HERC4: variants seen among roughly 807,000 people sequenced by gnomAD.
The protein encoded by HERC4 is HECT and RLD domain containing E3 ubiquitin protein ligase 4, also known as probable E3 ubiquitin-protein ligase HERC4.
In HERC4, 28 loss-of-function variants were observed where a neutral mutation model predicts 124.3. The ratio of observed to expected loss-of-function variants is 0.23; its 90% CI spans 0.17 to 0.31. HERC4 has a LOEUF of 0.31. Among genes scored for constraint, HERC4 ranks in the 10% least tolerant of loss-of-function variants. The pLI is 1.00. For missense variants in HERC4, 713 were observed against 1,229.3 expected (o/e 0.58, Z 6.28); for synonymous variants, 407 against 421.5 (o/e 0.97, Z 0.42).
intron 8 of HERC4, among the ~76,000 whole-genome samples, chr10:68,024,064 A>G (rs1438201537): frequency 2.0e-5 from 3 of 152,188 alleles, no homozygotes; most frequent in Non-Finnish European, 4.4e-5. Context: ...CATATGCCCA[A>G]TAAAGAACTT....
intron 9 of HERC4, chr10:68,010,142 C>T (rs553943156): frequency 2.1e-5 from 18 of 876,924 alleles, no homozygotes; most frequent in Middle Eastern, 3.5e-4. Flanking sequence ...GCACAAACTC[C>T]GGGTTCTCTT....
intron 15 of HERC4, among the ~76,000 whole-genome samples, chr10:67,976,828 A>T (rs1457707122): frequency 6.6e-6 from 1 of 151,992 alleles, no homozygotes; most frequent in Non-Finnish European, 1.5e-5. Flanking sequence ...AACTTAGCTG[A>T]CTCCTGTCCA....
intron 4 of HERC4, chr10:68,039,500 C>A: frequency 1.3e-6 from 2 of 1,550,456 alleles, no homozygotes; most frequent in South Asian, 1.2e-5. Flanking sequence ...TTCAGCAAAT[C>A]AAAGTTTGAG....
In HERC4 at chr10:67,957,186, T is replaced by C. The variant is rs527734598; in HGVS notation, c.1927-210A>G. Among the ~76,000 whole-genome samples, 10 of 152,356 alleles carry C rather than the reference T, an allele frequency of 6.6e-5. No individual in the cohort carries two copies. The South Asian group carries it at 2.1e-3, about 32-fold the overall frequency. On this transcript the variant is annotated intron_variant, in intron 16 of 24. Transcript: ENST00000373700. ...TTCCCAATTTTAGGGGGCGACTGTA[T>C]ACTTGAGAGTCTATACAATCATATA...
At chr10:67,958,356 A>AT (rs2034278223) in intron 16 of HERC4, among the ~76,000 whole-genome samples, 2 of 152,206 alleles carry the variant, frequency 1.3e-5, no homozygotes, top group Non-Finnish European at 2.9e-5. Flanking sequence ...AAAGATTTAG[A>AT]TATCTCCAAA....
chr10:68,041,540 GTA>G (rs2039767801), intron 4 of HERC4, among the ~76,000 whole-genome samples: 1 of 152,072 alleles, frequency 6.6e-6, no homozygotes, highest in Admixed American at 6.6e-5. Context: ...TGTTTAGTTT[GTA>G]TAGTCCAGAA....
intron 3 of HERC4, chr10:68,069,640 C>T (rs608300): frequency 0.38 from 377,613 of 984,324 alleles, 76,603 homozygotes; most frequent in East Asian, 0.84. Flanking sequence ...CCTCTTTCTC[C>T]TTCATTCCTT....
intron 9 of HERC4, among the ~76,000 whole-genome samples, chr10:68,009,366 T>C (rs552660454): frequency 4.6e-5 from 7 of 152,140 alleles, no homozygotes; most frequent in Non-Finnish European, 1.0e-4. Flanking sequence ...TCTCTTGCCT[T>C]GGCTTTCCAA....
chr10:67,932,158 T>C (rs1340483756), intron 23 of HERC4, among the ~76,000 whole-genome samples: 1 of 152,110 alleles, frequency 6.6e-6, no homozygotes, highest in Admixed American at 6.5e-5. Context: ...GGTTTCACCA[T>C]GTTGGCCAGG....
intron 15 of HERC4, among the ~76,000 whole-genome samples, chr10:67,981,885 G>A (rs1183932739): frequency 6.6e-6 from 1 of 152,054 alleles, no homozygotes; most frequent in African/African-American, 2.4e-5. Context: ...AGGTTGCAGT[G>A]AGCCGAGATC....
chr10:67,992,416 G>C, intron 10 of HERC4, 93 bp from the exon 11 acceptor site: 3 of 1,478,690 alleles, frequency 2.0e-6, no homozygotes, highest in Non-Finnish European at 2.8e-6. Context: ...TCTTTAAACA[G>C]AATTAAATCT....
chr10:68,036,735 G>A (rs1394676812), intron 5 of HERC4, among the ~76,000 whole-genome samples: 1 of 151,910 alleles, frequency 6.6e-6, no homozygotes, highest in African/African-American at 2.4e-5. Flanking sequence ...ATTTCTCCTT[G>A]TTCTTCTCAA....
chr10:68,034,322 A>G lies in HERC4; in HGVS notation c.464-136T>C. 7.5e-6 allele frequency: 5 copies of G among 663,880 alleles called. No individual in the cohort carries two copies. In the South Asian group the frequency reaches 1.0e-4, roughly 14 times the overall value. 41.1% of individuals were successfully genotyped at this position (663,880 alleles called of 1,614,324 possible). ...TCTGCCTATCATCAAAAGAATATAA[A>G]TATTATTTTTAGCAATTATACTTAT... On this transcript the variant is annotated intron_variant, in intron 5 of 24. Transcript: ENST00000373700.
intron 15 of HERC4, among the ~76,000 whole-genome samples, chr10:67,978,537 G>A (rs2035737094): frequency 6.6e-6 from 1 of 152,218 alleles, no homozygotes; most frequent in Non-Finnish European, 1.5e-5. Flanking sequence ...AAGGGCCTGG[G>A]GAAACTAGCT....
At chr10:68,067,998 C>T (rs1221244104) in intron 3 of HERC4, 1 of 152,084 alleles carries the variant, frequency 6.6e-6, no homozygotes, top group Non-Finnish European at 1.5e-5. Flanking sequence ...AGGGGGAAGA[C>T]AATAAAATAT....
chr10:68,017,740 C>T (rs1412545242), intron 8 of HERC4, among the ~76,000 whole-genome samples: 2 of 152,108 alleles, frequency 1.3e-5, no homozygotes, highest in African/African-American at 2.4e-5. Flanking sequence ...CAGTCTGCCT[C>T]GGCCTCCCAA....
intron 21 of HERC4, among the ~76,000 whole-genome samples, chr10:67,937,025 A>C (rs977395786): frequency 1.8e-4 from 28 of 152,174 alleles, no homozygotes; most frequent in African/African-American, 6.8e-4. Context: ...AGAATTCTAA[A>C]CTAGAGGAAG....
At chr10:68,047,738 T>C (rs1270993296) in intron 3 of HERC4, among the ~76,000 whole-genome samples, 1 of 152,188 alleles carries the variant, frequency 6.6e-6, no homozygotes, top group Admixed American at 6.5e-5. Context: ...CCAGTTGTGA[T>C]GTCAAGGATG....
At chr10:68,042,160 C>T (rs958485592) in intron 4 of HERC4, among the ~76,000 whole-genome samples, 2 of 152,128 alleles carry the variant, frequency 1.3e-5, no homozygotes, top group East Asian at 1.9e-4. Flanking sequence ...GGATTACAGG[C>T]GCCTGCCTGG....
Sources: allele counts gnomAD v4.1 joint callset (sites outside exome capture counted in the v4.1 genomes callset), GRCh38; gene constraint gnomAD v4.1.1; transcripts MANE v1.5; gene names NCBI Gene and HGNC (gene_info 2026-07-23, HGNC 2026-07-21).